Variants in FILIP1L observed in about 807,000 individuals in gnomAD.
FILIP1L encodes filamin A interacting protein 1 like, also known as filamin A-interacting protein 1-like.
Under a neutral mutation model 96.6 loss-of-function variants are expected in FILIP1L, and 55 were observed. The ratio of observed to expected loss-of-function variants is 0.57; its 90% CI spans 0.46 to 0.71. The LOEUF is 0.71. Among genes scored for constraint, FILIP1L ranks in the 30% least tolerant of loss-of-function variants. The probability of loss-of-function intolerance (pLI) is 0.00; values close to 1 mark genes in which losing one functional copy is unlikely to be tolerated. For missense variants in FILIP1L, 1,304 were observed against 1,321.2 expected (o/e 0.99, Z 0.20); for synonymous variants, 467 against 473.9 (o/e 0.99, Z 0.19).
At chr3:100,004,140 G>A (rs1310873678) in intron 1 of FILIP1L, among the ~76,000 whole-genome samples, 1 of 152,126 alleles carries the variant, frequency 6.6e-6, no homozygotes, top group Non-Finnish European at 1.5e-5. Context: ...CTTCCTAGGG[G>A]ATTTGCAAGG....
intron 1 of FILIP1L, among the ~76,000 whole-genome samples, chr3:100,083,711 A>T (rs2065965181): frequency 1.3e-5 from 2 of 152,082 alleles, no homozygotes; most frequent in Admixed American, 6.5e-5. Context: ...TCAACTTCAT[A>T]AAAAAAATTT....
intron 5 of FILIP1L, among the ~76,000 whole-genome samples, chr3:99,835,887 G>T (rs1212045807): frequency 6.6e-6 from 1 of 152,154 alleles, no homozygotes; most frequent in Non-Finnish European, 1.5e-5. Context: ...TTAGTATGAG[G>T]AACAAAGGAA....
intron 4 of FILIP1L, among the ~76,000 whole-genome samples, chr3:99,923,913 C>T (rs1395257707): frequency 6.6e-6 from 1 of 152,194 alleles, no homozygotes; most frequent in Non-Finnish European, 1.5e-5. Context: ...CTTATTTCAC[C>T]CCTTGCCATG....
chr3:100,015,650 G>A (rs999274623), intron 1 of FILIP1L, among the ~76,000 whole-genome samples: 17 of 152,164 alleles, frequency 1.1e-4, no homozygotes, highest in African/African-American at 4.1e-4. Context: ...CTACAGCTGT[G>A]ACTGAAATTA....
chr3:99,929,851 C>T lies in FILIP1L; in HGVS notation c.426+5G>A. The T allele has an allele frequency of 1.9e-6, 3 of 1,608,442 alleles. No homozygotes were observed. The highest frequency in any genetic ancestry group is 2.5e-6 in the Non-Finnish European group (3 of 1,177,150). Reference sequence around the variant, plus strand: ...CCAGGTACACACCCCTATTGTGGTACATACCTCATTCATTGGTTTCTCATA... The same window carrying T: ...CCAGGTACACACCCCTATTGTGGTATATACCTCATTCATTGGTTTCTCATA... On this transcript the variant is annotated splice_donor_5th_base_variant and intron_variant, in intron 3 of 5. Transcript: ENST00000477258.
At chr3:100,003,412 A>G (rs146618278) in intron 1 of FILIP1L, among the ~76,000 whole-genome samples, 35 of 152,288 alleles carry the variant, frequency 2.3e-4, no homozygotes, top group African/African-American at 7.5e-4. Context: ...AGTTTAACCA[A>G]TGCACCTAGA....
At chr3:99,884,546 A>C (rs773697312) in intron 4 of FILIP1L, among the ~76,000 whole-genome samples, 6 of 152,152 alleles carry the variant, frequency 3.9e-5, no homozygotes, top group Admixed American at 6.5e-5. Flanking sequence ...CACTCTGCCT[A>C]CCTGCTGTCT....
At chr3:99,968,284 A>G (rs775089990) in intron 1 of FILIP1L, among the ~76,000 whole-genome samples, 5 of 152,186 alleles carry the variant, frequency 3.3e-5, no homozygotes, top group African/African-American at 4.8e-5. Context: ...ATGGCAAACT[A>G]CAGAAAGTTT....
intron 1 of FILIP1L, among the ~76,000 whole-genome samples, chr3:100,080,126 C>A (rs1181536193): frequency 2.0e-5 from 3 of 151,948 alleles, no homozygotes; most frequent in Non-Finnish European, 4.4e-5. Flanking sequence ...TTTTTCTTTT[C>A]TTTAATTAAT....
At chr3:100,006,407 A>G (rs1222714062) in intron 1 of FILIP1L, among the ~76,000 whole-genome samples, 3 of 152,052 alleles carry the variant, frequency 2.0e-5, no homozygotes, top group South Asian at 2.1e-4. Flanking sequence ...CTCCTTCCCC[A>G]TAATTATCAT....
chr3:99,933,402 G>A (rs1041120600), intron 1 of FILIP1L, among the ~76,000 whole-genome samples: 1 of 152,126 alleles, frequency 6.6e-6, no homozygotes, highest in African/African-American at 2.4e-5. Context: ...TGTAGGAATG[G>A]GAGGTTGGGG....
chr3:99,894,538 T>C (rs534351889), intron 4 of FILIP1L, among the ~76,000 whole-genome samples: 84 of 152,354 alleles, frequency 5.5e-4, no homozygotes, highest in African/African-American at 1.9e-3. Context: ...TGTAGGATAA[T>C]GCTGAATTTA....
rs146711518 is a variant in FILIP1L at position 100,017,185 on chromosome 3, G to A, written c.-10-86155C>T. On this transcript the variant is annotated intron_variant, in intron 1 of 5. Coordinates refer to ENST00000477258, the MANE Select transcript of FILIP1L (RefSeq NM_001387850.1). The stretch of plus-strand genomic sequence containing the variant: ...AAAATATCTGATCAAGTATATGTCT[G>A]TATCTGATTATCAATTAAGCTGAAA... 2.0e-5 allele frequency among the ~76,000 whole-genome samples: 3 copies of A among 152,286 alleles called. No homozygotes were observed. In the East Asian group the frequency reaches 5.8e-4, roughly 29 times the overall value.
chr3:99,936,922 T>C (rs944448813), intron 1 of FILIP1L, among the ~76,000 whole-genome samples: 3 of 152,178 alleles, frequency 2.0e-5, no homozygotes, highest in African/African-American at 7.2e-5. Flanking sequence ...TTGTTTTAAC[T>C]AGCTTATTTT....
At chr3:100,031,702 G>C (rs117355058) in intron 1 of FILIP1L, among the ~76,000 whole-genome samples, 1 of 151,986 alleles carries the variant, frequency 6.6e-6, no homozygotes, top group Admixed American at 6.6e-5. Flanking sequence ...GAGGATCTAC[G>C]ACAAGAAGGC....
chr3:100,077,769 G>T (rs1212186549), intron 1 of FILIP1L, among the ~76,000 whole-genome samples: 2 of 152,058 alleles, frequency 1.3e-5, no homozygotes, highest in Admixed American at 1.3e-4. Context: ...AATTAGCCAA[G>T]CATGGCTGTG....
At chr3:99,863,239 C>T (rs1268170717) in intron 4 of FILIP1L, among the ~76,000 whole-genome samples, 1 of 152,184 alleles carries the variant, frequency 6.6e-6, no homozygotes, top group Non-Finnish European at 1.5e-5. Context: ...CAATAGGGTT[C>T]ACACTCCTAT....
chr3:99,931,546 A>C (rs1209011649), intron 1 of FILIP1L, among the ~76,000 whole-genome samples: 1 of 152,182 alleles, frequency 6.6e-6, no homozygotes, highest in Non-Finnish European at 1.5e-5. Context: ...GAAATGGCAG[A>C]GTTACTGCTA....
At chr3:100,049,772 TTTC>T (rs2065339092) in intron 1 of FILIP1L, among the ~76,000 whole-genome samples, 1 of 152,232 alleles carries the variant, frequency 6.6e-6, no homozygotes, top group African/African-American at 2.4e-5. Flanking sequence ...CTTCTAACAT[TTTC>T]TTTTCTCTAG....
Sources: allele counts gnomAD v4.1 joint callset (sites outside exome capture counted in the v4.1 genomes callset), GRCh38; gene constraint gnomAD v4.1.1; transcripts MANE v1.5; gene names NCBI Gene and HGNC (gene_info 2026-07-23, HGNC 2026-07-21).